PRKG1: variants seen among roughly 807,000 people sequenced by gnomAD.
PRKG1 encodes the protein protein kinase cGMP-dependent 1, also known as cGMP-dependent protein kinase 1.
PRKG1 carries 35 observed loss-of-function variants against 88.1 expected under a neutral mutation model. That is an observed-to-expected ratio of 0.40 (90% CI 0.30 to 0.53). The LOEUF (loss-of-function observed/expected upper bound fraction) is 0.53, where lower values mean the gene tolerates loss of function less well. Among genes scored for constraint, PRKG1 ranks in the 20% least tolerant of loss-of-function variants. The pLI is 0.59. For missense variants in PRKG1, 540 were observed against 839.8 expected, an observed-to-expected ratio of 0.64 and a Z score of 4.41; for synonymous variants, 303 against 292.5, an observed-to-expected ratio of 1.04 and a Z score of -0.37.
intron 4 of PRKG1, among the ~76,000 whole-genome samples, chr10:51,877,128 C>T (rs1203312156): frequency 6.6e-6 from 1 of 151,974 alleles, no homozygotes; most frequent in African/African-American, 2.4e-5. Context: ...TCCCCCCATG[C>T]ACCCTCCCAT....
intron 3 of PRKG1, among the ~76,000 whole-genome samples, chr10:51,491,028 T>C (rs1840696015): frequency 1.3e-5 from 2 of 152,072 alleles, no homozygotes; most frequent in African/African-American, 2.4e-5. Flanking sequence ...GGACTCCTTC[T>C]AGGTGATTTC....
intron 5 of PRKG1, among the ~76,000 whole-genome samples, chr10:51,935,941 T>C (rs1842791137): frequency 6.6e-6 from 1 of 152,078 alleles, no homozygotes; most frequent in Admixed American, 6.6e-5. Flanking sequence ...GAAGACAGCC[T>C]TATGTGTTAA....
At chr10:52,114,846 A>G (rs1466309898) in intron 7 of PRKG1, among the ~76,000 whole-genome samples, 1 of 152,154 alleles carries the variant, frequency 6.6e-6, no homozygotes, top group Non-Finnish European at 1.5e-5. Flanking sequence ...GTGCACCAGC[A>G]CGTCAGCATT....
rs555735440 is a variant in PRKG1 at position 51,979,926 on chromosome 10, A to T, written c.762+72356A>T. 2.0e-5 allele frequency among the ~76,000 whole-genome samples: 3 copies of T among 151,764 alleles called. No homozygotes were observed. The East Asian group carries it at 5.8e-4, about 29-fold the overall frequency. Reference sequence around the variant, plus strand: ...TAGCAGTCTATCTAATTTATATTTTAAAAACTCCTGGATTCATTGATCCTT... The same window carrying T: ...TAGCAGTCTATCTAATTTATATTTTTAAAACTCCTGGATTCATTGATCCTT... On this transcript the variant is annotated intron_variant, in intron 5 of 17. Coordinates refer to ENST00000373980, the MANE Select transcript of PRKG1 (RefSeq NM_006258.4).
rs558753261 is a variant in PRKG1, at chr10:51,925,449, T to C, written c.762+17879T>C. ...TTTCTTCTATATTCCTGTGTTTAGGTGTCAGTATTTTAGCAAGCTGGAGTT... is the reference window on the plus strand; with the variant it reads ...TTTCTTCTATATTCCTGTGTTTAGGCGTCAGTATTTTAGCAAGCTGGAGTT... On this transcript the variant is annotated intron_variant, in intron 5 of 17. Coordinates refer to ENST00000373980, the MANE Select transcript of PRKG1 (RefSeq NM_006258.4). 2.0e-4 allele frequency among the ~76,000 whole-genome samples: 30 copies of C among 152,200 alleles called. No homozygotes were observed. In the East Asian group the frequency reaches 5.0e-3, roughly 26 times the overall value.
intron 6 of PRKG1, among the ~76,000 whole-genome samples, chr10:52,061,454 C>A (rs1846232777): frequency 6.6e-6 from 1 of 152,054 alleles, no homozygotes; most frequent in African/African-American, 2.4e-5. Flanking sequence ...CTGGATGACA[C>A]ATAGACAGTT....
In PRKG1 at chr10:52,295,018, A is replaced by G. The variant is rs1373334184; in HGVS notation, c.*1118A>G. 3 of 152,584 alleles carry G rather than the reference A, an allele frequency of 2.0e-5. 1 individual carries two copies. Among genetic ancestry groups the G allele is most frequent in the Admixed American group, 1.3e-4 (2 of 15,232 alleles). The allele number at this position is 152,584 out of a possible 1,614,324, so 9.5% of individuals were successfully genotyped here. A position where few individuals can be genotyped will look rare whatever the true frequency, so the allele number is the denominator to read the frequency against. On this transcript the variant is annotated 3_prime_UTR_variant, in exon 18 of 18. Coordinates refer to ENST00000373980, the MANE Select transcript of PRKG1 (RefSeq NM_006258.4). ...TTCACTTATACAACATAGTCAGTCT[A>G]GAGTTGAGAGACAAAGGTAATTATA... is the stretch of plus-strand genomic sequence containing the variant.
intron 3 of PRKG1, among the ~76,000 whole-genome samples, chr10:51,500,281 C>G (rs1401631335): frequency 6.6e-6 from 1 of 152,152 alleles, no homozygotes; most frequent in Admixed American, 6.5e-5. Flanking sequence ...TCCACTTGAA[C>G]TTGGCAGTTT....
At chr10:52,045,423 A>G (rs927989555) in intron 5 of PRKG1, among the ~76,000 whole-genome samples, 4 of 152,138 alleles carry the variant, frequency 2.6e-5, no homozygotes, top group African/African-American at 9.7e-5. Context: ...ATGCATCACA[A>G]CACCAGAAAG....
intron 3 of PRKG1, among the ~76,000 whole-genome samples, chr10:51,689,723 T>C (rs1013982839): frequency 1.3e-5 from 2 of 152,190 alleles, no homozygotes; most frequent in Non-Finnish European, 2.9e-5. Flanking sequence ...AGTGCTATAC[T>C]ATGTAAGCCA....
intron 2 of PRKG1, among the ~76,000 whole-genome samples, chr10:51,347,834 G>A (rs1842147889): frequency 6.6e-6 from 1 of 152,032 alleles, no homozygotes; most frequent in African/African-American, 2.4e-5. Flanking sequence ...GGCCGAGGCA[G>A]GCGGAACACG....
intron 2 of PRKG1, among the ~76,000 whole-genome samples, chr10:51,307,275 G>A (rs952967741): frequency 2.6e-5 from 4 of 152,000 alleles, no homozygotes; most frequent in Admixed American, 6.6e-5. Context: ...CCATGTTCCA[G>A]ATACTGCCCT....
intron 5 of PRKG1, among the ~76,000 whole-genome samples, chr10:52,003,134 A>G (rs948738968): frequency 6.6e-6 from 1 of 152,180 alleles, no homozygotes; most frequent in Non-Finnish European, 1.5e-5. Context: ...TTTTATGACC[A>G]AACTACACTG....
intron 5 of PRKG1, among the ~76,000 whole-genome samples, chr10:52,027,146 GT>G (rs1219731471): frequency 7.2e-5 from 11 of 152,232 alleles, no homozygotes; most frequent in African/African-American, 2.4e-4. Flanking sequence ...TATGGTCTGC[GT>G]TTTTCCCATT....
intron 5 of PRKG1, among the ~76,000 whole-genome samples, chr10:51,920,518 T>C (rs1021517890): frequency 6.6e-6 from 1 of 152,160 alleles, no homozygotes; most frequent in African/African-American, 2.4e-5. Context: ...TTTAGTTTCG[T>C]GTCTACAGAA....
intron 2 of PRKG1, among the ~76,000 whole-genome samples, chr10:51,461,696 A>G (rs1053919951): frequency 6.6e-6 from 1 of 152,182 alleles, no homozygotes; most frequent in African/African-American, 2.4e-5. Flanking sequence ...TCTTTAATTC[A>G]AGAACAAAAT....
chr10:51,268,957 C>T (rs2139912), intron 2 of PRKG1, among the ~76,000 whole-genome samples: 21,011 of 152,128 alleles, frequency 0.14, 1,818 homozygotes, highest in Non-Finnish European at 0.2. Context: ...TGGCTTCAGC[C>T]GGTCCTTCCA....
intron 3 of PRKG1, among the ~76,000 whole-genome samples, chr10:51,605,809 C>T (rs1838749288): frequency 6.6e-6 from 1 of 152,104 alleles, no homozygotes; most frequent in Non-Finnish European, 1.5e-5. Context: ...GAGTATAGGA[C>T]TAAAATACTT....
intron 5 of PRKG1, among the ~76,000 whole-genome samples, chr10:52,043,357 G>T (rs1207616345): frequency 6.6e-6 from 1 of 151,984 alleles, no homozygotes; most frequent in Non-Finnish European, 1.5e-5. Context: ...TAAAAATGTG[G>T]AATATATACA....
Sources: allele counts gnomAD v4.1 joint callset (sites outside exome capture counted in the v4.1 genomes callset), GRCh38; gene constraint gnomAD v4.1.1; transcripts MANE v1.5; gene names NCBI Gene and HGNC (gene_info 2026-07-23, HGNC 2026-07-21).